The following TSC2 variants were observed in gnomAD, a reference collection of about 807,000 sequenced individuals.
TSC2 encodes TSC complex subunit 2, also known as tuberin.
A neutral mutation model predicts 202.2 loss-of-function variants in TSC2; 29 were observed. That is an observed-to-expected ratio of 0.14 (90% CI 0.11 to 0.20). TSC2 has a LOEUF of 0.20. Among genes scored for constraint, TSC2 ranks in the 10% least tolerant of loss-of-function variants. The pLI is 1.00. For missense variants in TSC2, 2,429 were observed against 2,420.0 expected (o/e 1.00, Z -0.08); for synonymous variants, 1,349 against 1,044.0 (o/e 1.29, Z -5.63).
Position 2,060,678 on chromosome 16 carries a change from A to G in TSC2, c.984A>G (p.Ala328=). 1.2e-6 allele frequency: 2 copies of G among 1,614,052 alleles called. No homozygotes were observed. The highest frequency in any genetic ancestry group is 1.7e-6 in the Non-Finnish European group (2 of 1,180,012). The change falls in exon 11 of 42, where the codon GCA becomes GCG. Residue 328 remains alanine, a synonymous_variant. Transcript: ENST00000219476. ...CCGGGCTCGTGTTCCAGGCCATGGC[A>G]TGTCCGAACGAGGTGGTGTCCTATG... The part of the protein sequence containing the change: ...SVLPSFYQAM[A]CPNEVVSYEI...
At chr16:2,085,563 G>A (rs1208009808) in intron 36 of TSC2, among the ~76,000 whole-genome samples, 2 of 152,220 alleles carry the variant, frequency 1.3e-5, no homozygotes, top group Admixed American at 1.3e-4. Context: ...CTGGGCGGGT[G>A]GCACCGGTCG....
At chr16:2,084,873 C>A (rs2090569418) in intron 34 of TSC2, 78 bp from the exon 35 acceptor site, 1 of 1,603,816 alleles carries the variant, frequency 6.2e-7, no homozygotes, top group South Asian at 1.1e-5. Flanking sequence ...GATGGCCAGG[C>A]TCTGTGTTCC....
chr16:2,077,714 A>G lies in TSC2; in HGVS notation c.2954A>G (p.His985Arg), dbSNP rs1330306605. 5.6e-6 allele frequency: 9 copies of G among 1,612,758 alleles called. No homozygotes were observed. The highest frequency in any genetic ancestry group is 1.1e-5 in the South Asian group (1 of 91,080). The change falls in exon 26 of 42, where the codon CAT becomes CGT. Residue 985 changes from histidine (H) to arginine (R), a missense_variant. His to Arg is a conservative substitution (Grantham distance 29). Coordinates refer to ENST00000219476, the MANE Select transcript of TSC2 (RefSeq NM_000548.5). Reference sequence around the variant, plus strand: ...TGCCGCAGCATCAGTGTGTCTGAACATGTGGTCCGCAGGTAGCGGGACTGT... The same window carrying G: ...TGCCGCAGCATCAGTGTGTCTGAACGTGTGGTCCGCAGGTAGCGGGACTGT... ...FRCRSISVSE[H>R]VVRSRIQTSL...
At position 2,072,875 on chromosome 16, in the gene TSC2, G is replaced by A. The variant is rs753723736; in HGVS notation, c.2247G>A (p.Arg749=). 1.2e-6 allele frequency: 2 copies of A among 1,613,508 alleles called. No homozygotes were observed. The highest frequency in any genetic ancestry group is 2.7e-5 in the African/African-American group (2 of 74,960). Residue 749 remains arginine, a synonymous_variant, in exon 21 of 42, where the codon CGG becomes CGA. Coordinates refer to ENST00000219476, the MANE Select transcript of TSC2 (RefSeq NM_000548.5). ...SMLSGPKTLE[R]LRGAPEGFSR... ...TTTCAGGCCCAAAGACACTGGAGCG[G>A]CTCCGAGGCGCCCCAGAAGGCTTCT...
In TSC2 at chr16:2,088,436, C is replaced by T. The variant is rs2091183190; in HGVS notation, c.5260-10C>T. 3 of 1,612,798 alleles carry T rather than the reference C, an allele frequency of 1.9e-6. No individual in the cohort carries two copies. The highest frequency in any genetic ancestry group is 2.5e-6 in the Non-Finnish European group (3 of 1,180,014). Reference sequence around the variant, plus strand: ...CCCAGACTTACTGCCCAAGCCGCCTCTGCCTTCAGATCTGCGAGGAAGCCG... The same window carrying T: ...CCCAGACTTACTGCCCAAGCCGCCTTTGCCTTCAGATCTGCGAGGAAGCCG... On this transcript the variant is annotated splice_polypyrimidine_tract_variant and intron_variant, in intron 41 of 41. Transcript: ENST00000219476.
chr16:2,082,762 G>A, intron 32 of TSC2: 1 of 583,288 alleles, frequency 1.7e-6, no homozygotes, highest in Non-Finnish European at 3.1e-6. Context: ...GGCCTGAGGG[G>A]TGGGGGTGGC....
At chr16:2,074,095 T>G in intron 21 of TSC2, 105 bp from the exon 22 acceptor site, 1 of 1,469,298 alleles carries the variant, frequency 6.8e-7, no homozygotes, top group Non-Finnish European at 9.3e-7. Flanking sequence ...AGGGACTTGC[T>G]AAGCCTCGGC....
Position 2,086,232 on chromosome 16 carries a change from TC to T in TSC2, c.4704del (p.Tyr1569ThrfsTer7), listed in dbSNP as rs137854240. The T allele has an allele frequency of 6.2e-7, 1 of 1,612,564 alleles. No individual in the cohort carries two copies. Among genetic ancestry groups the T allele is most frequent in the Non-Finnish European group, 8.5e-7 (1 of 1,179,912 alleles). Reference protein sequence around the residue: ...ELAILSNEHGSYRYTEFLTGL... With the variant: ...ELAILSNEHGXYRYTEFLTGL... ...CGCCATCCTGTCCAATGAGCATGGC[TC>T]CTACAGGTACACGGAGTTCCTGACG... On this transcript the variant is annotated frameshift_variant, in exon 37 of 42. Coordinates refer to ENST00000219476, the MANE Select transcript of TSC2 (RefSeq NM_000548.5). LOFTEE classifies it high-confidence loss of function.
chr16:2,048,323 G>A, intron 1 of TSC2: 1 of 960,598 alleles, frequency 1.0e-6, no homozygotes, highest in South Asian at 1.4e-5. Context: ...CGCGGCGGCA[G>A]TCCTAACCCG....
intron 32 of TSC2, 157 bp downstream of exon 32, chr16:2,082,661 C>A (rs1385753919): frequency 2.4e-6 from 2 of 838,138 alleles, no homozygotes; most frequent in Non-Finnish European, 3.9e-6. Context: ...TGCAGAATGT[C>A]TTTGGCTTGG....
chr16:2,088,801 G>A lies in TSC2; in HGVS notation c.*191G>A. The A allele has an allele frequency of 3.9e-6, 3 of 770,896 alleles. No individual in the cohort carries two copies. Among genetic ancestry groups the A allele is most frequent in the South Asian group, 1.8e-5 (1 of 54,456 alleles). The allele number at this position is 770,896 out of a possible 1,614,324, so 47.8% of individuals were successfully genotyped here. Reference sequence around the variant, plus strand: ...TAGAAGCGGCCATGCCCACAGAAGTGGTACACAGAAGCAGGCACAGCCAGC... The same window carrying A: ...TAGAAGCGGCCATGCCCACAGAAGTAGTACACAGAAGCAGGCACAGCCAGC... On this transcript the variant is annotated 3_prime_UTR_variant, in exon 42 of 42. Transcript: ENST00000219476.
chr16:2,088,423 G>A (rs977033606), intron 41 of TSC2, 23 bp from the exon 42 acceptor site: 2 of 1,612,560 alleles, frequency 1.2e-6, no homozygotes, highest in African/African-American at 2.7e-5. Flanking sequence ...CAGACTTACT[G>A]CCCAAGCCGC....
chr16:2,071,615 A>T lies in TSC2; in HGVS notation c.1945A>T (p.Met649Leu), dbSNP rs762331610. 2.5e-6 allele frequency: 4 copies of T among 1,613,326 alleles called. No homozygotes were observed. The highest frequency in any genetic ancestry group is 2.5e-6 in the Non-Finnish European group (3 of 1,179,996). Reference sequence around the variant, plus strand: ...CAGCCCCTACTGCGTCTGCGACTACATGTACGCGGGACCTCGCCCACGGCC... The same window carrying T: ...CAGCCCCTACTGCGTCTGCGACTACTTGTACGCGGGACCTCGCCCACGGCC... ...RFSPYCVCDYMEPERGSEKKT... is the reference protein window; with the variant it reads ...RFSPYCVCDYLEPERGSEKKT... Residue 649 changes from methionine to leucine, a missense_variant and splice_region_variant, in exon 18 of 42, where the codon ATG becomes TTG. Met to Leu is a conservative substitution (Grantham distance 15, BLOSUM62 2). Transcript: ENST00000219476.
intron 10 of TSC2, among the ~76,000 whole-genome samples, chr16:2,060,116 G>A (rs751444230): frequency 4.6e-5 from 7 of 152,144 alleles, no homozygotes; most frequent in Non-Finnish European, 8.8e-5. Context: ...CTGCAATGAC[G>A]CCGTGGCACA....
chr16:2,084,507 G>T lies in TSC2; in HGVS notation c.4285G>T (p.Ala1429Ser), dbSNP rs45474795. The T allele has an allele frequency of 2.6e-3, 4,107 of 1,608,856 alleles. 13 individuals are homozygous for T. The highest frequency in any genetic ancestry group is 2.7e-3 in the Non-Finnish European group (3,237 of 1,178,580). Residue 1429 changes from alanine (A) to serine (S), a missense_variant, in exon 34 of 42, where the codon GCC becomes TCC. Transcript: ENST00000219476. Reference sequence around the variant, plus strand: ...AGGGACCCTGGACGGGGAAAGTGCTGCCTGGTCGGCCTCGGGCGAAGACAG... The same window carrying T: ...AGGGACCCTGGACGGGGAAAGTGCTTCCTGGTCGGCCTCGGGCGAAGACAG... ...QSGTLDGESA[A>S]WSASGEDSRG...
intron 35 of TSC2, 25 bp downstream of exon 35, chr16:2,085,051 A>T (rs1312270250): frequency 1.2e-6 from 2 of 1,611,344 alleles, no homozygotes; most frequent in South Asian, 2.2e-5. Context: ...CCTCTCCTGC[A>T]TCCGCTGGAG....
rs1200431267 is a variant in TSC2, at chr16:2,071,563, G to C, written c.1893G>C (p.Leu631=). 2 of 1,613,578 alleles carry C rather than the reference G, an allele frequency of 1.2e-6. No homozygotes were observed. Among genetic ancestry groups the C allele is most frequent in the East Asian group, 2.2e-5 (1 of 44,878 alleles). The change falls in exon 18 of 42, where the codon CTG becomes CTC. Residue 631 remains leucine, a synonymous_variant. Transcript: ENST00000219476. The part of the protein sequence containing the change: ...LRADSLHRLG[L]PNKDGVVRFS... Reference sequence around the variant, plus strand: ...CCGACTCACTGCACCGCCTGGGCCTGCCCAACAAGGATGGAGTCGTGCGGT... The same window carrying C: ...CCGACTCACTGCACCGCCTGGGCCTCCCCAACAAGGATGGAGTCGTGCGGT...
intron 9 of TSC2, 93 bp from the exon 10 acceptor site, chr16:2,058,654 G>A: frequency 2.6e-6 from 4 of 1,532,776 alleles, no homozygotes; most frequent in Non-Finnish European, 3.5e-6. Flanking sequence ...GACCTCTGGG[G>A]CTGCTGCAGG....
In TSC2 at chr16:2,088,049, C is replaced by T. The variant is rs1596457380; in HGVS notation, c.5070C>T (p.Asp1690=). 2 of 1,612,648 alleles carry T rather than the reference C, an allele frequency of 1.2e-6. No individual in the cohort carries two copies. The highest frequency in any genetic ancestry group is 8.5e-7 in the Non-Finnish European group (1 of 1,179,984). Residue 1690 remains aspartate, a splice_region_variant and synonymous_variant, in exon 40 of 42, where the codon GAC becomes GAT. Transcript: ENST00000219476. ...GGCGTGACCACCAAGTCTCCCCAGACATGGAGGGCCTTGTGGACACCAGCG... is the reference window on the plus strand; with the variant it reads ...GGCGTGACCACCAAGTCTCCCCAGATATGGAGGGCCTTGTGGACACCAGCG... The part of the protein sequence containing the change: ...CNLVSLQCRK[D]MEGLVDTSVA...
Sources: gnomAD v4.1 joint callset for allele counts (sites outside exome capture counted in the v4.1 genomes callset) on GRCh38, gnomAD v4.1.1 for gene constraint, MANE v1.5 for transcripts, NCBI Gene and HGNC (gene_info 2026-07-23, HGNC 2026-07-21) for gene names.